Variants in ITPR1 observed in about 807,000 individuals in gnomAD.
The protein encoded by ITPR1 is inositol 1,4,5-trisphosphate receptor type 1.
ITPR1 carries 96 observed loss-of-function variants against 318.4 expected under a neutral mutation model. That is an observed-to-expected ratio of 0.30 (90% confidence interval 0.26 to 0.36). The LOEUF (loss-of-function observed/expected upper bound fraction) is 0.36, where lower values mean the gene tolerates loss of function less well. Among genes scored for constraint, ITPR1 ranks in the 10% least tolerant of loss-of-function variants. The pLI is 1.00. For synonymous variants in ITPR1, 1,312 were observed against 1,289.9 expected, an observed-to-expected ratio of 1.02 and a Z score of -0.37; for missense variants, 2,440 against 3,460.2, an observed-to-expected ratio of 0.71 and a Z score of 7.40.
chr3:4,545,886 G>A (rs1447606423), intron 4 of ITPR1, among the ~76,000 whole-genome samples: 1 of 151,498 alleles, frequency 6.6e-6, no homozygotes, highest in African/African-American at 2.4e-5. Flanking sequence ...TTGTAGAGAC[G>A]GGATCTCACT....
intron 4 of ITPR1, among the ~76,000 whole-genome samples, chr3:4,553,974 C>T (rs564963846): frequency 8.6e-5 from 13 of 150,746 alleles, no homozygotes; most frequent in Admixed American, 2.0e-4. Flanking sequence ...AACTCCTGGG[C>T]TCAAGCAGTC....
intron 2 of ITPR1, among the ~76,000 whole-genome samples, chr3:4,515,790 A>C (rs1180811900): frequency 6.6e-6 from 1 of 152,132 alleles, no homozygotes; most frequent in Non-Finnish European, 1.5e-5. Flanking sequence ...TTCTTACCCA[A>C]ATACTGAAGG....
intron 4 of ITPR1, among the ~76,000 whole-genome samples, chr3:4,558,157 C>G (rs1459114527): frequency 6.6e-6 from 1 of 152,130 alleles, no homozygotes; most frequent in Non-Finnish European, 1.5e-5. Context: ...ACAGGTTTAA[C>G]ATATCTAAGA....
chr3:4,658,403 G>C (rs193009297), intron 13 of ITPR1, 125 bp downstream of exon 13: 2 of 810,818 alleles, frequency 2.5e-6, no homozygotes, highest in Non-Finnish European at 3.7e-6. Context: ...TTGGTGAAAG[G>C]TTTGCACTGA....
intron 42 of ITPR1, among the ~76,000 whole-genome samples, chr3:4,728,965 C>A (rs2042718000): frequency 6.6e-6 from 1 of 152,204 alleles, no homozygotes; most frequent in African/African-American, 2.4e-5. Flanking sequence ...CCTTCTTCTC[C>A]AGCTTCCTGT....
chr3:4,506,487 A>T (rs558321049), intron 2 of ITPR1, among the ~76,000 whole-genome samples: 10 of 152,230 alleles, frequency 6.6e-5, no homozygotes, highest in Admixed American at 5.9e-4. Flanking sequence ...ATTGTCACTT[A>T]ATCATATCAC....
At position 4,813,135 on chromosome 3, in the gene ITPR1, C is replaced by A. The variant is rs762490356; in HGVS notation, c.7469-7C>A. 6.2e-7 allele frequency: 1 copy of A among 1,613,496 alleles called. No individual in the cohort carries two copies. The highest frequency in any genetic ancestry group is 1.1e-5 in the South Asian group (1 of 91,082). On this transcript the variant is annotated splice_region_variant and splice_polypyrimidine_tract_variant and intron_variant, in intron 56 of 61. Transcript: ENST00000649015. The stretch of plus-strand genomic sequence containing the variant: ...TGTTCATCATAAAATTTCCTTCTCT[C>A]TCCCAGAAACCGGCGAGAGTTTGGC...
chr3:4,703,535 C>T (rs781508511), intron 36 of ITPR1, among the ~76,000 whole-genome samples: 1 of 152,132 alleles, frequency 6.6e-6, no homozygotes, highest in Non-Finnish European at 1.5e-5. Flanking sequence ...ATTCCCCACC[C>T]CCTATTAATG....
Position 4,806,179 on chromosome 3 carries a change from T to TTC in ITPR1, c.7186_7187dup (p.Asp2397TrpfsTer13), listed in dbSNP as rs2048540751. 1 of 1,613,770 alleles carries TTC rather than the reference T, an allele frequency of 6.2e-7. No individual in the cohort carries two copies. Among genetic ancestry groups the TTC allele is most frequent in the African/African-American group, 1.3e-5 (1 of 74,924 alleles). On this transcript the variant is annotated frameshift_variant, in exon 55 of 62. Transcript: ENST00000649015. LOFTEE classifies it high-confidence loss of function. ...TTCACAAGAGGCTACCGAGCCATGG[T>TTC]TCTGGATGTTGAGTTCCTCTATCAT...
chr3:4,815,499 T>C (rs2049233823), intron 59 of ITPR1, among the ~76,000 whole-genome samples: 1 of 152,166 alleles, frequency 6.6e-6, no homozygotes, highest in Non-Finnish European at 1.5e-5. Flanking sequence ...AATCCTTCTT[T>C]CTTCATCTGT....
intron 4 of ITPR1, among the ~76,000 whole-genome samples, chr3:4,585,498 A>G (rs1230184879): frequency 6.6e-6 from 1 of 152,116 alleles, no homozygotes; most frequent in African/African-American, 2.4e-5. Context: ...GTGCAGTGGT[A>G]CGATCCCAGC....
chr3:4,719,461 A>T (rs149303434), intron 40 of ITPR1, among the ~76,000 whole-genome samples: 1 of 152,214 alleles, frequency 6.6e-6, no homozygotes, highest in Non-Finnish European at 1.5e-5. Flanking sequence ...GGAAACCTGC[A>T]GCCCACAGCT....
chr3:4,828,738 G>A (rs766759308), intron 60 of ITPR1, among the ~76,000 whole-genome samples: 1 of 152,150 alleles, frequency 6.6e-6, no homozygotes, highest in African/African-American at 2.4e-5. Flanking sequence ...TCTTTGTTGC[G>A]CTGTATCATC....
chr3:4,735,453 A>G (rs1427934510), intron 44 of ITPR1, 99 bp downstream of exon 44: 4 of 986,084 alleles, frequency 4.1e-6, no homozygotes, highest in Non-Finnish European at 6.3e-6. Flanking sequence ...GCCTTGTTTG[A>G]GAGACAGCTC....
intron 4 of ITPR1, among the ~76,000 whole-genome samples, chr3:4,600,318 T>C (rs1410439038): frequency 2.0e-5 from 3 of 152,130 alleles, no homozygotes; most frequent in Admixed American, 6.6e-5. Context: ...GAATTAGAAC[T>C]GGTGTTGAGG....
intron 43 of ITPR1, 27 bp from the exon 44 acceptor site, chr3:4,735,137 A>C: frequency 6.3e-7 from 1 of 1,585,020 alleles, no homozygotes; most frequent in South Asian, 1.1e-5. Context: ...GATTGTGCTT[A>C]GTAAAAACAA....
chr3:4,785,590 C>G (rs1208608773), intron 51 of ITPR1, among the ~76,000 whole-genome samples: 4 of 152,244 alleles, frequency 2.6e-5, no homozygotes, highest in Non-Finnish European at 5.9e-5. Flanking sequence ...TCATTAATGC[C>G]TAGGAGCTTG....
chr3:4,662,064 G>A lies in ITPR1; in HGVS notation c.1252-18G>A. 1 of 1,609,666 alleles carries A rather than the reference G, an allele frequency of 6.2e-7. No homozygotes were observed. The highest frequency in any genetic ancestry group is 8.5e-7 in the Non-Finnish European group (1 of 1,176,748). On this transcript the variant is annotated intron_variant, in intron 14 of 61. Coordinates refer to ENST00000649015, the MANE Select transcript of ITPR1 (RefSeq NM_001378452.1). ...CCCATCCAAGAGATTATCTCACAAG[G>A]ACCACCTTGAATTTCAGATTGGCAC...
chr3:4,673,044 C>T (rs2094118959), intron 20 of ITPR1, 92 bp from the exon 21 acceptor site: 5 of 1,389,026 alleles, frequency 3.6e-6, no homozygotes, highest in Non-Finnish European at 4.9e-6. Flanking sequence ...CCAAATGTCA[C>T]TCCCATGACA....
Sources: gnomAD v4.1 joint callset for allele counts (sites outside exome capture counted in the v4.1 genomes callset) on GRCh38, gnomAD v4.1.1 for gene constraint, MANE v1.5 for transcripts, NCBI Gene and HGNC (gene_info 2026-07-23, HGNC 2026-07-21) for gene names.